KIAA0513: variants seen among roughly 807,000 people sequenced by gnomAD.
The protein encoded by KIAA0513 is KIAA0513, also known as uncharacterized protein KIAA0513.
KIAA0513 carries 39 observed loss-of-function variants against 56.5 expected under a neutral mutation model. The ratio of observed to expected loss-of-function variants is 0.69; its 90% confidence interval spans 0.53 to 0.90. KIAA0513 has a LOEUF of 0.90. Among genes scored for constraint, KIAA0513 ranks in the 40% least tolerant of loss-of-function variants. KIAA0513 has a pLI of 0.00. For missense variants in KIAA0513, 591 were observed against 535.2 expected (o/e 1.10, Z -1.03); for synonymous variants, 268 against 215.6 (o/e 1.24, Z -2.13).
In KIAA0513 at chr16:85,082,604, C is replaced by T. The variant is rs900158360; in HGVS notation, c.1010+11C>T. 2 of 1,613,972 alleles carry T rather than the reference C, an allele frequency of 1.2e-6. No homozygotes were observed. Among genetic ancestry groups the T allele is most frequent in the Non-Finnish European group, 1.7e-6 (2 of 1,179,880 alleles). On this transcript the variant is annotated intron_variant, in intron 10 of 12. Transcript: ENST00000683363. ...GGAGGAGGAGAAGAGGTGTGTGTGT[C>T]CACGTGACTTTGTTCCATTTTACAG...
At chr16:85,045,926 T>G (rs2073164725) in intron 1 of KIAA0513, among the ~76,000 whole-genome samples, 1 of 152,152 alleles carries the variant, frequency 6.6e-6, no homozygotes, top group Non-Finnish European at 1.5e-5. Context: ...GCTGTGCTCC[T>G]GCAGGGCCAG....
At position 85,093,792 on chromosome 16, in the gene KIAA0513, G is replaced by T. The variant is rs2073894708; in HGVS notation, c.*5467G>T. On this transcript the variant is annotated 3_prime_UTR_variant, in exon 13 of 13. Transcript: ENST00000683363. ...CGTGGAGAAAGAGAAGGCAAACGTT[G>T]GAACACTAGGAAAAGCTAGAAATTC... The T allele has an allele frequency of 6.6e-6, 1 of 152,270 alleles. No homozygotes were observed. Among genetic ancestry groups the T allele is most frequent in the Admixed American group, 6.5e-5 (1 of 15,282 alleles). The allele number at this position is 152,270 out of a possible 1,614,324, so 9.4% of individuals were successfully genotyped here. A position where few individuals can be genotyped will look rare whatever the true frequency, so the allele number is the denominator to read the frequency against.
At chr16:85,065,880 C>G (rs1487347615) in intron 1 of KIAA0513, among the ~76,000 whole-genome samples, 1 of 152,188 alleles carries the variant, frequency 6.6e-6, no homozygotes, top group Non-Finnish European at 1.5e-5. Context: ...GATCCCAGCT[C>G]TGCCACCCTG....
At position 85,075,926 on chromosome 16, in the gene KIAA0513, G is replaced by A. The variant is rs1405317225; in HGVS notation, c.574+12G>A. The A allele has an allele frequency of 9.5e-6, 15 of 1,584,438 alleles. No individual in the cohort carries two copies. The highest frequency in any genetic ancestry group is 6.6e-5 in the South Asian group (6 of 90,426). ...CTACTACCACATCGGTAAGACATGG[G>A]TGGGCTGATGTGGGGCTCACCTGAG... is the stretch of plus-strand genomic sequence containing the variant. On this transcript the variant is annotated intron_variant, in intron 5 of 12. Coordinates refer to ENST00000683363, the MANE Select transcript of KIAA0513 (RefSeq NM_001388359.1).
At position 85,081,465 on chromosome 16, in the gene KIAA0513, A is replaced by G; in HGVS notation, c.980+73A>G. The G allele has an allele frequency of 7.5e-7, 1 of 1,329,396 alleles. No individual in the cohort carries two copies. The highest frequency in any genetic ancestry group is 1.1e-6 in the Non-Finnish European group (1 of 945,086). 82.4% of individuals were successfully genotyped at this position (1,329,396 alleles called of 1,614,324 possible). A position where few individuals can be genotyped will look rare whatever the true frequency, so the allele number is the denominator to read the frequency against. On this transcript the variant is annotated intron_variant, in intron 9 of 12. Transcript: ENST00000683363. This position sits in a 1 kb window ranked among gnomAD's most constrained non-coding sequence, Gnocchi z 4.4. ...GAGTGGCTTTATTTCCCGGTTTCGG[A>G]AGAGGAGAGCAGAAGAGCAGCTGAG...
chr16:85,060,084 C>T (rs1353102289), intron 1 of KIAA0513, among the ~76,000 whole-genome samples: 1 of 152,128 alleles, frequency 6.6e-6, no homozygotes, highest in Non-Finnish European at 1.5e-5. Context: ...CCTCAGACTC[C>T]CGAGTAGCTA....
rs2073491636 is a variant in KIAA0513, at chr16:85,066,983, C to A, written c.-89C>A. 2 of 1,191,122 alleles carry A rather than the reference C, an allele frequency of 1.7e-6. No individual in the cohort carries two copies. Among genetic ancestry groups the A allele is most frequent in the African/African-American group, 1.5e-5 (1 of 65,250 alleles). The allele number at this position is 1,191,122 out of a possible 1,614,324, so 73.8% of individuals were successfully genotyped here. The stretch of plus-strand genomic sequence containing the variant: ...TGGCAACTTGTGAGCTTGGTGGGCT[C>A]CTACTAACGCACCTGGGACACCAGG... On this transcript the variant is annotated 5_prime_UTR_variant, in exon 2 of 13. Transcript: ENST00000683363.
In KIAA0513 at chr16:85,075,872, G is replaced by A. The variant is rs1239004228; in HGVS notation, c.532G>A (p.Ala178Thr). The A allele has an allele frequency of 1.9e-6, 3 of 1,614,162 alleles. No homozygotes were observed. The highest frequency in any genetic ancestry group is 1.1e-5 in the South Asian group (1 of 91,080). The change falls in exon 5 of 13, where the codon GCC (alanine) becomes ACC (threonine). Residue 178 changes from alanine (A) to threonine (T), a missense_variant. Physicochemically the swap from Ala to Thr is moderately conservative, Grantham distance 58 (BLOSUM62 0). Coordinates refer to ENST00000683363, the MANE Select transcript of KIAA0513 (RefSeq NM_001388359.1). The part of the protein sequence containing the change: ...ECHQMDDFGP[A>T]KNLMTMCFTY... ...TCATCAGATGGATGACTTTGGGCCT[G>A]CCAAGAACCTCATGACCATGTGCTT...
At chr16:85,072,880 G>A in intron 3 of KIAA0513, 45 bp from the exon 4 acceptor site, 1 of 1,580,940 alleles carries the variant, frequency 6.3e-7, no homozygotes, top group Non-Finnish European at 8.7e-7. Context: ...AGTGCTGCGT[G>A]TGTCGCCCTG....
rs1285592871 is a variant in KIAA0513, at chr16:85,081,923, C to T, written c.980+531C>T. The stretch of plus-strand genomic sequence containing the variant: ...GGGCTGGCACCCACCCCACGGGGGC[C>T]GATGCCATAGCAAGCAAAGCTGCCG... On this transcript the variant is annotated intron_variant, in intron 9 of 12. Transcript: ENST00000683363. This position sits in a 1 kb window ranked among gnomAD's most constrained non-coding sequence, Gnocchi z 4.4. Among the ~76,000 whole-genome samples, 2 of 152,196 alleles carry T rather than the reference C, an allele frequency of 1.3e-5. No individual in the cohort carries two copies. Among genetic ancestry groups the T allele is most frequent in the African/African-American group, 2.4e-5 (1 of 41,456 alleles).
At chr16:85,047,562 G>C (rs35283960) in intron 1 of KIAA0513, among the ~76,000 whole-genome samples, 10,026 of 152,238 alleles carry the variant, frequency 0.066, 360 homozygotes, top group Middle Eastern at 0.085. Context: ...TGGAAAGGAA[G>C]GTTTCCTCAG....
chr16:85,065,625 A>C (rs1010326635), intron 1 of KIAA0513, among the ~76,000 whole-genome samples: 5 of 152,240 alleles, frequency 3.3e-5, no homozygotes, highest in Admixed American at 3.3e-4. Flanking sequence ...CCATTCTGCT[A>C]TTGAATTGTC....
At chr16:85,051,049 G>A (rs1036284506) in intron 1 of KIAA0513, among the ~76,000 whole-genome samples, 1 of 152,158 alleles carries the variant, frequency 6.6e-6, no homozygotes, top group African/African-American at 2.4e-5. Context: ...GGAGGCTGAG[G>A]TGGGAGGATC....
In KIAA0513 at chr16:85,087,019, G is replaced by A. The variant is rs376809009; in HGVS notation, c.1092-53G>A. ...CCCAGAGACAAGGGCCCAGCTCCCC[G>A]GCCCTTTCCCCTGGGAGGCCAGCGG... On this transcript the variant is annotated intron_variant, in intron 11 of 12. Coordinates refer to ENST00000683363, the MANE Select transcript of KIAA0513 (RefSeq NM_001388359.1). 75 of 1,557,056 alleles carry A rather than the reference G, an allele frequency of 4.8e-5. No individual in the cohort carries two copies. The African/African-American group carries it at 6.0e-4, about 12-fold the overall frequency.
chr16:85,046,961 G>A (rs529545386), intron 1 of KIAA0513, among the ~76,000 whole-genome samples: 2 of 152,312 alleles, frequency 1.3e-5, no homozygotes, highest in Non-Finnish European at 2.9e-5. Flanking sequence ...TCCCATGCGA[G>A]TTGAGGATAT....
intron 2 of KIAA0513, among the ~76,000 whole-genome samples, chr16:85,067,630 G>A (rs1053366175): frequency 1.3e-5 from 2 of 152,156 alleles, no homozygotes; most frequent in African/African-American, 2.4e-5. Context: ...CTCCAGACCA[G>A]TTATATCAGT....
At chr16:85,050,981 T>A (rs1032063651) in intron 1 of KIAA0513, among the ~76,000 whole-genome samples, 15 of 151,932 alleles carry the variant, frequency 9.9e-5, no homozygotes, top group African/African-American at 3.4e-4. Context: ...CACAGTAAGA[T>A]CCCATCACTA....
rs943858573 is a variant in KIAA0513 at position 85,092,679 on chromosome 16, C to T, written c.*4354C>T. On this transcript the variant is annotated 3_prime_UTR_variant, in exon 13 of 13. Transcript: ENST00000683363. ...CGTCTCACTCCCTTGTCCTGTAAATCGTGTATTCATGTTGATGATTCTTGG... is the reference window on the plus strand; with the variant it reads ...CGTCTCACTCCCTTGTCCTGTAAATTGTGTATTCATGTTGATGATTCTTGG... The T allele has an allele frequency of 2.0e-5, 3 of 152,238 alleles. No homozygotes were observed. The highest frequency in any genetic ancestry group is 1.3e-4 in the Admixed American group (2 of 15,288). The allele number at this position is 152,238 out of a possible 1,614,324, so 9.4% of individuals were successfully genotyped here. A position where few individuals can be genotyped will look rare whatever the true frequency, so the allele number is the denominator to read the frequency against.
intron 1 of KIAA0513, among the ~76,000 whole-genome samples, chr16:85,035,579 C>T (rs968102797): frequency 6.6e-6 from 1 of 152,154 alleles, no homozygotes; most frequent in African/African-American, 2.4e-5. Context: ...CAGCCTTGAT[C>T]TCCCGGGCTC....
Sources: allele counts gnomAD v4.1 joint callset (sites outside exome capture counted in the v4.1 genomes callset), GRCh38; gene constraint gnomAD v4.1.1; non-coding constraint Gnocchi (gnomAD v3.1); transcripts MANE v1.5; gene names NCBI Gene and HGNC (gene_info 2026-07-23, HGNC 2026-07-21).